Variants in RBFOX1 observed in about 807,000 individuals in gnomAD.
RBFOX1 encodes the protein RNA binding protein fox-1 homolog 1.
RBFOX1 carries 8 observed loss-of-function variants against 57.7 expected under a neutral mutation model. The ratio of observed to expected loss-of-function variants is 0.14; its 90% CI spans 0.08 to 0.25. The LOEUF (loss-of-function observed/expected upper bound fraction) is 0.25. RBFOX1 is among the 10% of genes least tolerant of loss of function. The pLI is 1.00. For missense variants in RBFOX1, 611 were observed against 548.5 expected, an observed-to-expected ratio of 1.11 and a Z score of -1.14; for synonymous variants, 326 against 222.4, an observed-to-expected ratio of 1.47 and a Z score of -4.15.
chr16:7,054,545 T>TGGGGGGGGGG (rs71147645), intron 4 of RBFOX1, among the ~76,000 whole-genome samples: 1 of 108,400 alleles, frequency 9.2e-6, no homozygotes, highest in Admixed American at 1.0e-4. Context: ...CAAACCTGGG[T>TGGGGGGGGGG]GGGGGGGCAT....
At chr16:7,154,685 T>TTGTGTGTGTGTGTGTG (rs56742260) in intron 4 of RBFOX1, among the ~76,000 whole-genome samples, 1 of 143,112 alleles carries the variant, frequency 7.0e-6, no homozygotes, top group Non-Finnish European at 1.5e-5. Flanking sequence ...CCCTCTTCCT[T>TTGTGTGTGTGTGTGTG]TGTGTGTGTG....
In RBFOX1 at chr16:7,202,559, A is replaced by T. The variant is rs142635690; in HGVS notation, c.27+150461A>T. 1.1e-3 allele frequency among the ~76,000 whole-genome samples: 170 copies of T among 152,214 alleles called. 1 individual carries two copies. The highest frequency in any genetic ancestry group is 3.9e-3 in the African/African-American group (163 of 41,530). On this transcript the variant is annotated intron_variant, in intron 4 of 15. Coordinates refer to ENST00000550418, the MANE Select transcript of RBFOX1 (RefSeq NM_018723.4). Reference sequence around the variant, plus strand: ...TGGTACCGGTGTATGGCCTGTTAGGAATTGGGCTGCAGTGGATGAGCAAGC... The same window carrying T: ...TGGTACCGGTGTATGGCCTGTTAGGTATTGGGCTGCAGTGGATGAGCAAGC...
At chr16:7,498,820 A>T (rs550671338) in intron 4 of RBFOX1, among the ~76,000 whole-genome samples, 1 of 152,302 alleles carries the variant, frequency 6.6e-6, no homozygotes, top group South Asian at 2.1e-4. Flanking sequence ...TCTGACTAGG[A>T]TTACAATATC....
chr16:7,379,200 G>GA (rs923218182), intron 4 of RBFOX1, among the ~76,000 whole-genome samples: 2 of 151,916 alleles, frequency 1.3e-5, no homozygotes, highest in African/African-American at 2.4e-5. Context: ...GTTTGGAAGA[G>GA]AAAAAAAAGC....
chr16:7,684,329 G>A (rs947337543), intron 14 of RBFOX1, among the ~76,000 whole-genome samples: 1 of 152,068 alleles, frequency 6.6e-6, no homozygotes, highest in Non-Finnish European at 1.5e-5. Context: ...TAGAATAGGG[G>A]CCACTATTGG....
intron 3 of RBFOX1, among the ~76,000 whole-genome samples, chr16:6,984,032 G>A (rs1410101701): frequency 6.6e-6 from 1 of 152,152 alleles, no homozygotes; most frequent in African/African-American, 2.4e-5. Flanking sequence ...CAGATCACCT[G>A]AGGTCAGGAG....
intron 2 of RBFOX1, among the ~76,000 whole-genome samples, chr16:6,401,741 A>G (rs184407990): frequency 2.0e-5 from 3 of 152,302 alleles, no homozygotes; most frequent in African/African-American, 7.2e-5. Context: ...AAGTTTAAAG[A>G]TAAGTTTACT....
intron 3 of RBFOX1, among the ~76,000 whole-genome samples, chr16:6,871,031 A>G (rs1434391319): frequency 1.3e-5 from 2 of 152,244 alleles, no homozygotes; most frequent in Non-Finnish European, 2.9e-5. Context: ...TGGAAAGCAA[A>G]TGAAGTCATA....
At chr16:7,345,154 A>C (rs916663767) in intron 4 of RBFOX1, among the ~76,000 whole-genome samples, 2 of 152,214 alleles carry the variant, frequency 1.3e-5, no homozygotes, top group Non-Finnish European at 2.9e-5. Context: ...TTTAAACACA[A>C]ATCAAGCAAC....
chr16:5,243,635 G>C (rs2062224265), intron 1 of RBFOX1, among the ~76,000 whole-genome samples: 1 of 152,144 alleles, frequency 6.6e-6, no homozygotes, highest in Non-Finnish European at 1.5e-5. Context: ...TGGAGCAAGG[G>C]AGTGGTACAT....
At chr16:6,917,264 A>G (rs142752269) in intron 3 of RBFOX1, among the ~76,000 whole-genome samples, 161 of 152,304 alleles carry the variant, frequency 1.1e-3, no homozygotes, top group African/African-American at 3.3e-3. Flanking sequence ...AGTCTGTCCC[A>G]GCTACTGTTA....
intron 3 of RBFOX1, among the ~76,000 whole-genome samples, chr16:5,606,315 G>C (rs2047576677): frequency 6.6e-6 from 1 of 151,966 alleles, no homozygotes; most frequent in Non-Finnish European, 1.5e-5. Flanking sequence ...CTTTCTGCTT[G>C]AATTCTCCCC....
At chr16:7,070,752 G>A (rs548967613) in intron 4 of RBFOX1, among the ~76,000 whole-genome samples, 11 of 152,252 alleles carry the variant, frequency 7.2e-5, no homozygotes, top group African/African-American at 1.7e-4. Flanking sequence ...CCCAAAACTG[G>A]CCTTAAACTG....
At chr16:5,751,048 G>A (rs533028448) in intron 3 of RBFOX1, among the ~76,000 whole-genome samples, 22 of 152,276 alleles carry the variant, frequency 1.4e-4, no homozygotes, top group African/African-American at 5.3e-4. Context: ...TCACCATGTT[G>A]ACTGGGCTGG....
chr16:7,417,720 C>G (rs1314064079), intron 4 of RBFOX1, among the ~76,000 whole-genome samples: 1 of 152,178 alleles, frequency 6.6e-6, no homozygotes, highest in East Asian at 1.9e-4. Context: ...ATGTGTTCTC[C>G]ATCTTTATAA....
intron 4 of RBFOX1, among the ~76,000 whole-genome samples, chr16:7,085,315 CTT>C (rs1567201460): frequency 6.6e-6 from 1 of 152,118 alleles, no homozygotes; most frequent in Non-Finnish European, 1.5e-5. Context: ...ATGGTTATCA[CTT>C]TGAAAATGTA....
intron 3 of RBFOX1, among the ~76,000 whole-genome samples, chr16:6,818,032 C>G (rs955342631): frequency 6.6e-6 from 1 of 152,150 alleles, no homozygotes. Context: ...CTTTTTGTGT[C>G]TGCTCTCCTA....
rs71147672 is a variant in RBFOX1 at position 7,217,292 on chromosome 16, CTTT to C, written c.27+165210_27+165212del. ...AATTATCTTTTTTTTTCTTATTCTT[CTTT>C]TTTTTTTTTTTTTTTAGTAGAGATG... is the stretch of plus-strand genomic sequence containing the variant. On this transcript the variant is annotated intron_variant, in intron 4 of 15. Transcript: ENST00000550418. Among the ~76,000 whole-genome samples the C allele has an allele frequency of 2.7e-4, 28 of 104,068 alleles. 1 individual carries two copies. Among genetic ancestry groups the C allele is most frequent in the Middle Eastern group, 7.7e-3 (1 of 130 alleles). 68.3% of individuals were successfully genotyped at this position (104,068 alleles called of 152,430 possible).
rs936596580 is a variant in RBFOX1 at position 6,403,767 on chromosome 16, C to T, written c.-64+86710C>T. On this transcript the variant is annotated intron_variant, in intron 2 of 15. Coordinates refer to ENST00000550418, the MANE Select transcript of RBFOX1 (RefSeq NM_018723.4). ...ATCGAGCCCTATGTTCATGCATTGA[C>T]TCAAGTGTGTCCCTCCAAAATCCAT... Among the ~76,000 whole-genome samples, 69 of 152,148 alleles carry T rather than the reference C, an allele frequency of 4.5e-4. 1 individual carries two copies. The highest frequency in any genetic ancestry group is 4.4e-3 in the Admixed American group (67 of 15,272).
Sources: allele counts gnomAD v4.1 joint callset (sites outside exome capture counted in the v4.1 genomes callset), GRCh38; gene constraint gnomAD v4.1.1; transcripts MANE v1.5; gene names NCBI Gene and HGNC (gene_info 2026-07-23, HGNC 2026-07-21).